Variants in PDE8A observed in about 807,000 individuals in gnomAD.
PDE8A encodes the protein phosphodiesterase 8A, also known as high affinity cAMP-specific and IBMX-insensitive 3',5'-cyclic phosphodiesterase 8A.
A neutral mutation model predicts 105.0 loss-of-function variants in PDE8A; 59 were observed. That is an observed-to-expected ratio of 0.56 (90% CI 0.46 to 0.70). PDE8A has a LOEUF of 0.70. PDE8A is among the 30% of genes least tolerant of loss of function. The pLI, the probability that PDE8A is intolerant of heterozygous loss-of-function variation, is 0.00. For missense variants in PDE8A, 1,014 were observed against 1,045.9 expected (o/e 0.97, Z 0.42); for synonymous variants, 355 against 371.9 (o/e 0.95, Z 0.52).
chr15:85,138,860 C>T lies in PDE8A; in HGVS notation c.*957C>T, dbSNP rs2082457318. 6.6e-6 allele frequency: 1 copy of T among 152,102 alleles called. No individual in the cohort carries two copies. 9.4% of individuals were successfully genotyped at this position (152,102 alleles called of 1,614,324 possible). On this transcript the variant is annotated 3_prime_UTR_variant, in exon 22 of 22. Transcript: ENST00000394553. ...TTATAATTCAATTTCCAAAAGTCTA[C>T]TCTATTTTATACTGTTTCTACAAAA...
At chr15:85,056,329 G>GT (rs2081059727) in intron 1 of PDE8A, among the ~76,000 whole-genome samples, 1 of 152,140 alleles carries the variant, frequency 6.6e-6, no homozygotes, top group Non-Finnish European at 1.5e-5. Flanking sequence ...GGCGTTCTCT[G>GT]TATTTCCTGA....
chr15:84,994,236 T>C (rs566179358), intron 1 of PDE8A, among the ~76,000 whole-genome samples: 2 of 152,392 alleles, frequency 1.3e-5, no homozygotes, highest in East Asian at 1.9e-4. Context: ...TGCTTATTCA[T>C]GTTTTATGGT....
At chr15:85,026,283 T>TG (rs2080515315) in intron 1 of PDE8A, among the ~76,000 whole-genome samples, 1 of 152,096 alleles carries the variant, frequency 6.6e-6, no homozygotes, top group Non-Finnish European at 1.5e-5. Flanking sequence ...GGCTGGGGGT[T>TG]GGGATCATTT....
chr15:85,075,892 C>T lies in PDE8A; in HGVS notation c.465C>T (p.Asn155=). The change falls in exon 4 of 22, where the codon AAC becomes AAT. Residue 155 remains asparagine (N), a synonymous_variant. Coordinates refer to ENST00000394553, the MANE Select transcript of PDE8A (RefSeq NM_002605.3). ...RSIRSSKLSE[N]TVIVGVVRRV... is the part of the protein sequence containing the mutation. ...TCAGATCATCAAAACTCTCAGAAAACACAGTTATTGTTGGTGTAGTACGCA... is the reference window on the plus strand; with the variant it reads ...TCAGATCATCAAAACTCTCAGAAAATACAGTTATTGTTGGTGTAGTACGCA... The T allele has an allele frequency of 6.4e-7, 1 of 1,572,710 alleles. No individual in the cohort carries two copies. The highest frequency in any genetic ancestry group is 8.7e-7 in the Non-Finnish European group (1 of 1,146,878).
chr15:85,077,596 G>A (rs74024800), intron 5 of PDE8A, among the ~76,000 whole-genome samples: 24,067 of 152,002 alleles, frequency 0.16, 2,151 homozygotes, highest in East Asian at 0.38. Context: ...AAGGGCAGCC[G>A]GCAGCAGTCA....
In PDE8A at chr15:85,112,185, G is replaced by T. The variant is rs746004503; in HGVS notation, c.1115-1192G>T. Among the ~76,000 whole-genome samples, 5 of 151,638 alleles carry T rather than the reference G, an allele frequency of 3.3e-5. No individual in the cohort carries two copies. In the East Asian group the frequency reaches 9.6e-4, roughly 29 times the overall value. ...TTTTCTAATTCCTTTATTTTTAATT[G>T]ACAAGAATTATGTGTATTTATCATG... On this transcript the variant is annotated intron_variant, in intron 12 of 21. Transcript: ENST00000394553.
rs61221393 is a variant in PDE8A, at chr15:85,128,052, CAAAAAAA to C, written c.2253+1693_2253+1699del. Reference sequence around the variant, plus strand: ...GTTAGGATAATTGGATATTCCTATGCAAAAAAAAAAAAAAAAAAAAAGAACCACAACT... The same window carrying C: ...GTTAGGATAATTGGATATTCCTATGCAAAAAAAAAAAAAAGAACCACAACT... On this transcript the variant is annotated intron_variant, in intron 20 of 21. Coordinates refer to ENST00000394553, the MANE Select transcript of PDE8A (RefSeq NM_002605.3). 6.8e-4 allele frequency among the ~76,000 whole-genome samples: 39 copies of C among 57,238 alleles called. No homozygotes were observed. In the East Asian group the frequency reaches 0.013, roughly 20 times the overall value. The allele number at this position is 57,238 out of a possible 152,430, so 37.6% of individuals were successfully genotyped here.
At chr15:84,988,354 T>A (rs2079836176) in intron 1 of PDE8A, among the ~76,000 whole-genome samples, 1 of 152,250 alleles carries the variant, frequency 6.6e-6, no homozygotes, top group South Asian at 2.1e-4. Flanking sequence ...ATCTGCATTA[T>A]CAGGATTTTG....
intron 1 of PDE8A, among the ~76,000 whole-genome samples, chr15:85,003,514 G>C (rs555333980): frequency 2.4e-4 from 37 of 152,274 alleles, no homozygotes; most frequent in Non-Finnish European, 4.3e-4. Flanking sequence ...GGAGGTGAGG[G>C]TACTGATCAG....
intron 1 of PDE8A, chr15:85,063,386 A>T (rs1393366706): frequency 6.6e-6 from 1 of 152,172 alleles, no homozygotes; most frequent in Non-Finnish European, 1.5e-5. Flanking sequence ...TTGGGATCTC[A>T]TCAACACCTA....
At chr15:85,072,784 T>A (rs1460395438) in intron 3 of PDE8A, among the ~76,000 whole-genome samples, 1 of 152,148 alleles carries the variant, frequency 6.6e-6, no homozygotes, top group Non-Finnish European at 1.5e-5. Context: ...GCCAAAAGGA[T>A]TCCTAATGGT....
intron 20 of PDE8A, among the ~76,000 whole-genome samples, chr15:85,133,435 G>A (rs1176985720): frequency 6.6e-6 from 1 of 152,214 alleles, no homozygotes; most frequent in African/African-American, 2.4e-5. Context: ...GGACACAGCT[G>A]GAAACTGGGC....
At chr15:85,089,192 G>T (rs951725417) in intron 6 of PDE8A, 146 bp from the exon 7 acceptor site, 16 of 584,316 alleles carry the variant, frequency 2.7e-5, no homozygotes, top group Non-Finnish European at 4.5e-5. Flanking sequence ...GGGCTTGCAG[G>T]GGGGTGTTTA....
chr15:85,112,365 C>T (rs1224634814), intron 12 of PDE8A, among the ~76,000 whole-genome samples: 1 of 152,024 alleles, frequency 6.6e-6, no homozygotes, highest in African/African-American at 2.4e-5. Context: ...TTGTAGTTAC[C>T]ATGTTGTACA....
chr15:85,059,839 C>T lies in PDE8A; in HGVS notation c.187-4531C>T, dbSNP rs138191254. 2.4e-3 allele frequency among the ~76,000 whole-genome samples: 364 copies of T among 152,198 alleles called. 1 individual carries two copies. The highest frequency in any genetic ancestry group is 8.4e-3 in the African/African-American group (349 of 41,540). On this transcript the variant is annotated intron_variant, in intron 1 of 21. Transcript: ENST00000394553. ...CTTGCACAACAAAGCAAGGCTGTGT[C>T]TCTACAAAACATTTAAAAATTAACC...
In PDE8A at chr15:85,137,902, A is replaced by G; in HGVS notation, c.2489A>G (p.Ter830TrpextTer31). 6.4e-7 allele frequency: 1 copy of G among 1,568,334 alleles called. No homozygotes were observed. Among genetic ancestry groups the G allele is most frequent in the Non-Finnish European group, 8.8e-7 (1 of 1,138,312 alleles). ...CGGAACCTCCGACCACCTCCTGAAT[A>G]GTGGGAGACACCACCCAGAGCCCTG... Reference protein sequence around the residue: ...KLRNLRPPPE* With the variant: ...KLRNLRPPPEW The change falls in exon 22 of 22, where the codon TAG (stop) becomes TGG (tryptophan). Residue 830 changes from the stop codon to tryptophan, a stop_lost. Coordinates refer to ENST00000394553, the MANE Select transcript of PDE8A (RefSeq NM_002605.3).
chr15:85,086,147 G>A (rs1017674058), intron 6 of PDE8A, among the ~76,000 whole-genome samples: 18 of 152,074 alleles, frequency 1.2e-4, no homozygotes, highest in African/African-American at 3.6e-4. Context: ...GTTAAGCTAC[G>A]TTCCAATCTC....
chr15:85,088,675 C>A (rs34919315), intron 6 of PDE8A, among the ~76,000 whole-genome samples: 21,066 of 152,224 alleles, frequency 0.14, 1,890 homozygotes, highest in Middle Eastern at 0.24. Context: ...CTCACTAATA[C>A]ATGTTATCGA....
At chr15:85,099,161 G>A (rs16974844) in intron 9 of PDE8A, among the ~76,000 whole-genome samples, 1 of 152,140 alleles carries the variant, frequency 6.6e-6, no homozygotes, top group Non-Finnish European at 1.5e-5. Context: ...TTCTCAATGT[G>A]TGGTAAATGC....
Sources: allele counts gnomAD v4.1 joint callset (sites outside exome capture counted in the v4.1 genomes callset), GRCh38; gene constraint gnomAD v4.1.1; transcripts MANE v1.5; gene names NCBI Gene and HGNC (gene_info 2026-07-23, HGNC 2026-07-21).